SCEL: variants seen among roughly 807,000 people sequenced by gnomAD.
SCEL encodes the protein sciellin.
SCEL carries 113 observed loss-of-function variants against 117.6 expected under a neutral mutation model. The ratio of observed to expected loss-of-function variants is 0.96; its 90% CI spans 0.83 to 1.12. SCEL has a LOEUF of 1.12. Ranked by LOEUF, SCEL falls within the 50% of genes most tolerant of loss-of-function variation. SCEL has a pLI of 0.00. For missense variants in SCEL, 785 were observed against 810.8 expected, an observed-to-expected ratio of 0.97 and a Z score of 0.39; for synonymous variants, 270 against 256.2, an observed-to-expected ratio of 1.05 and a Z score of -0.51.
At chr13:77,597,139 T>TGG (rs2087287603) in intron 12 of SCEL, 1 of 197,218 alleles carries the variant, frequency 5.1e-6, no homozygotes, top group African/African-American at 2.4e-5. Flanking sequence ...ATCTACTGTA[T>TGG]GAACACTGTA....
chr13:77,571,658 C>T (rs965490070), intron 8 of SCEL, among the ~76,000 whole-genome samples: 1 of 151,256 alleles, frequency 6.6e-6, no homozygotes, highest in Non-Finnish European at 1.5e-5. Flanking sequence ...CATTACACTC[C>T]GGCCTGGGCA....
chr13:77,617,763 T>C lies in SCEL; in HGVS notation c.1512-40T>C, dbSNP rs2089163278. The C allele has an allele frequency of 1.9e-6, 3 of 1,556,804 alleles. No individual in the cohort carries two copies. In the East Asian group the frequency reaches 6.7e-5, roughly 35 times the overall value. On this transcript the variant is annotated intron_variant, in intron 25 of 32. Transcript: ENST00000349847. ...CCTTAATGATATTACCAAAAGAACT[T>C]CAAAATTAACCTGCTCTCATTTTAT...
Position 77,556,323 on chromosome 13 carries a change from T to C in SCEL, c.44-273T>C, listed in dbSNP as rs181963390. 5.0e-4 allele frequency among the ~76,000 whole-genome samples: 76 copies of C among 152,350 alleles called. 2 individuals are homozygous for C. The East Asian group carries it at 0.013, about 26-fold the overall frequency. On this transcript the variant is annotated intron_variant, in intron 2 of 32. Coordinates refer to ENST00000349847, the MANE Select transcript of SCEL (RefSeq NM_144777.3). The stretch of plus-strand genomic sequence containing the variant: ...AATCCTGGCTCAGTTTATCCCAGGC[T>C]GGGAGTTCTCCTTTCCCAGGAACTG...
rs773404731 is a variant in SCEL, at chr13:77,559,874, A to G, written c.221+11A>G. 6.2e-7 allele frequency: 1 copy of G among 1,608,490 alleles called. No homozygotes were observed. The highest frequency in any genetic ancestry group is 1.3e-5 in the African/African-American group (1 of 74,830). ...TGATGCATTGGACAGGTGGGTGTTT[A>G]GACATGTTACATCATGAGCAGAAAC... On this transcript the variant is annotated intron_variant, in intron 4 of 32. Transcript: ENST00000349847.
Position 77,593,554 on chromosome 13 carries a change from CTTCA to C in SCEL, c.734_737del (p.Leu245ArgfsTer15). 1 of 1,613,086 alleles carries C rather than the reference CTTCA, an allele frequency of 6.2e-7. No individual in the cohort carries two copies. The highest frequency in any genetic ancestry group is 8.5e-7 in the Non-Finnish European group (1 of 1,179,344). On this transcript the variant is annotated frameshift_variant, in exon 12 of 33. Transcript: ENST00000349847. LOFTEE classifies it high-confidence loss of function. ...TAACATCGTCAAAGTGGCCACTTCA[CTTCA>C]GAGAAGTGACAAAGGGTGAGATCTC...
At chr13:77,539,628 C>T (rs2083591044) in intron 1 of SCEL, among the ~76,000 whole-genome samples, 1 of 151,992 alleles carries the variant, frequency 6.6e-6, no homozygotes, top group Non-Finnish European at 1.5e-5. Flanking sequence ...AGCTCCGCCT[C>T]CCGGGTTCAC....
chr13:77,606,130 A>T (rs2088159251), intron 19 of SCEL, among the ~76,000 whole-genome samples: 1 of 152,168 alleles, frequency 6.6e-6, no homozygotes. Context: ...GTCTACATGT[A>T]TGTGTCTATA....
At chr13:77,635,879 G>A (rs889705080) in intron 29 of SCEL, among the ~76,000 whole-genome samples, 1 of 152,056 alleles carries the variant, frequency 6.6e-6, no homozygotes, top group African/African-American at 2.4e-5. Context: ...AAATTCTTTG[G>A]CCTCACTCCT....
chr13:77,595,193 C>G (rs1192018686), intron 12 of SCEL, among the ~76,000 whole-genome samples: 9 of 152,148 alleles, frequency 5.9e-5, no homozygotes, highest in Admixed American at 5.2e-4. Flanking sequence ...CCATAATGCT[C>G]AAATTCCACA....
In SCEL at chr13:77,612,464, T is replaced by C. The variant is rs1038053380; in HGVS notation, c.1338-427T>C. Among the ~76,000 whole-genome samples the C allele has an allele frequency of 2.9e-4, 19 of 65,642 alleles. No individual in the cohort carries two copies. In the South Asian group the frequency reaches 6.3e-3, roughly 22 times the overall value. The allele number at this position is 65,642 out of a possible 152,430, so 43.1% of individuals were successfully genotyped here. The stretch of plus-strand genomic sequence containing the variant: ...AACTGCTTTTTTCTTTTCTTTTTTT[T>C]TTTTTTTTTTTTTTTTTTTTTACAA... On this transcript the variant is annotated intron_variant, in intron 22 of 32. Transcript: ENST00000349847.
At chr13:77,588,306 C>T (rs907616542) in intron 9 of SCEL, among the ~76,000 whole-genome samples, 2 of 152,154 alleles carry the variant, frequency 1.3e-5, no homozygotes, top group Non-Finnish European at 2.9e-5. Context: ...TAACCTGTTA[C>T]CACACAGCTG....
At chr13:77,635,135 G>A (rs1040472929) in intron 29 of SCEL, among the ~76,000 whole-genome samples, 3 of 152,182 alleles carry the variant, frequency 2.0e-5, no homozygotes, top group Non-Finnish European at 2.9e-5. Flanking sequence ...GATGGCAGTC[G>A]TGATGGGGAT....
At chr13:77,641,607 A>G (rs1028430674) in intron 31 of SCEL, among the ~76,000 whole-genome samples, 4 of 152,180 alleles carry the variant, frequency 2.6e-5, no homozygotes, top group Non-Finnish European at 5.9e-5. Flanking sequence ...CAGTTAAATC[A>G]TGAATCTTAG....
At position 77,567,709 on chromosome 13, in the gene SCEL, C is replaced by T; in HGVS notation, c.320C>T (p.Thr107Ile). ...TCAGACAGAAATGATGCTGCTAAAACATATAAGGCCAATACCTTGGATAAC... is the reference window on the plus strand; with the variant it reads ...TCAGACAGAAATGATGCTGCTAAAATATATAAGGCCAATACCTTGGATAAC... ...RISDRNDAAK[T>I]YKANTLDNQL... Residue 107 changes from threonine to isoleucine, a missense_variant, in exon 6 of 33, where the codon ACA becomes ATA. Thr to Ile is a moderately conservative substitution (Grantham distance 89). Coordinates refer to ENST00000349847, the MANE Select transcript of SCEL (RefSeq NM_144777.3). 6.2e-7 allele frequency: 1 copy of T among 1,608,422 alleles called. No homozygotes were observed. Among genetic ancestry groups the T allele is most frequent in the Non-Finnish European group, 8.5e-7 (1 of 1,177,228 alleles).
chr13:77,612,595 T>G (rs905466974), intron 22 of SCEL, among the ~76,000 whole-genome samples: 1 of 151,500 alleles, frequency 6.6e-6, no homozygotes, highest in African/African-American at 2.4e-5. Context: ...CAGAAAATAT[T>G]ATAAATGGTT....
At chr13:77,629,328 C>T (rs1346774155) in intron 28 of SCEL, among the ~76,000 whole-genome samples, 2 of 152,088 alleles carry the variant, frequency 1.3e-5, no homozygotes, top group Non-Finnish European at 2.9e-5. Flanking sequence ...TCCTGCCCTT[C>T]CCTGTACCTG....
chr13:77,607,057 C>T (rs2088258286), intron 19 of SCEL, among the ~76,000 whole-genome samples: 1 of 152,074 alleles, frequency 6.6e-6, no homozygotes, highest in African/African-American at 2.4e-5. Context: ...TTATTTATTT[C>T]TGAGACAGGG....
chr13:77,642,893 G>A (rs1430312685), intron 32 of SCEL, 85 bp downstream of exon 32: 1 of 682,174 alleles, frequency 1.5e-6, no homozygotes, highest in African/African-American at 1.8e-5. Flanking sequence ...TTTTAATAAA[G>A]TAAAACATTT....
At chr13:77,538,424 A>C (rs1424988754) in intron 1 of SCEL, among the ~76,000 whole-genome samples, 3 of 152,124 alleles carry the variant, frequency 2.0e-5, no homozygotes, top group Non-Finnish European at 4.4e-5. Context: ...CCTTAATCAA[A>C]AGTCTTTATC....
Sources: gnomAD v4.1 joint callset for allele counts (sites outside exome capture counted in the v4.1 genomes callset) on GRCh38, gnomAD v4.1.1 for gene constraint, MANE v1.5 for transcripts, NCBI Gene and HGNC (gene_info 2026-07-23, HGNC 2026-07-21) for gene names.